RIMKLB: variants seen among roughly 807,000 people sequenced by gnomAD.
RIMKLB encodes ribosomal modification protein rimK like family member B.
A neutral mutation model predicts 32.0 loss-of-function variants in RIMKLB; 7 were observed. The ratio of observed to expected loss-of-function variants is 0.22; its 90% CI spans 0.12 to 0.41. The LOEUF is 0.41. RIMKLB is among the 10% of genes least tolerant of loss of function. The pLI is 1.00. For synonymous variants in RIMKLB, 172 were observed against 185.1 expected, an observed-to-expected ratio of 0.93 and a Z score of 0.57; for missense variants, 289 against 498.7, an observed-to-expected ratio of 0.58 and a Z score of 4.00.
In RIMKLB at chr12:8,698,577, G is replaced by A. The variant is rs968209638; in HGVS notation, c.-57+280G>A. Among the ~76,000 whole-genome samples the A allele has an allele frequency of 1.8e-3, 279 of 152,286 alleles. 1 individual carries two copies. Among genetic ancestry groups the A allele is most frequent in the African/African-American group, 6.4e-3 (266 of 41,578 alleles). ...CGACCGGGCGAGCCGTGTCGAGGGGGCGGCGACTTCGGGCGTGTAAGGAGT... is the reference window on the plus strand; with the variant it reads ...CGACCGGGCGAGCCGTGTCGAGGGGACGGCGACTTCGGGCGTGTAAGGAGT... On this transcript the variant is annotated intron_variant, in intron 1 of 5. Coordinates refer to ENST00000535829, the MANE Select transcript of RIMKLB (RefSeq NM_001297776.2).
At chr12:8,720,390 T>C (rs954910974) in intron 2 of RIMKLB, among the ~76,000 whole-genome samples, 4 of 152,198 alleles carry the variant, frequency 2.6e-5, no homozygotes, top group African/African-American at 9.7e-5. Flanking sequence ...TTTGAGAAAC[T>C]TTTATGTGCC....
chr12:8,712,436 A>T (rs374982293), intron 1 of RIMKLB, among the ~76,000 whole-genome samples: 1 of 152,212 alleles, frequency 6.6e-6, no homozygotes, highest in Non-Finnish European at 1.5e-5. Flanking sequence ...AAATAAAAAT[A>T]AAAAGTTATT....
upstream of RIMKLB, among the ~76,000 whole-genome samples, chr12:8,678,214 C>G (rs765796794): frequency 1.8e-3 from 267 of 151,980 alleles, no homozygotes; most frequent in African/African-American, 6.3e-3. Context: ...CAGGGTCCCA[C>G]TATGTTACCC....
In RIMKLB at chr12:8,774,973, A is replaced by G. The variant is rs997204178; in HGVS notation, c.*1189A>G. 2.3e-5 allele frequency: 23 copies of G among 985,626 alleles called. No homozygotes were observed. The highest frequency in any genetic ancestry group is 1.0e-3 in the Middle Eastern group (2 of 1,936). The allele number at this position is 985,626 out of a possible 1,614,324, so 61.1% of individuals were successfully genotyped here. Reference sequence around the variant, plus strand: ...TTTAGAAAATGGAGCATGATGGGAAACAGAGTTTTTGACTTTAAAAAACAG... The same window carrying G: ...TTTAGAAAATGGAGCATGATGGGAAGCAGAGTTTTTGACTTTAAAAAACAG... On this transcript the variant is annotated 3_prime_UTR_variant, in exon 6 of 6. Transcript: ENST00000535829.
At chr12:8,694,474 C>T (rs2136595582), upstream of RIMKLB, among the ~76,000 whole-genome samples, 1 of 137,190 alleles carries the variant, frequency 7.3e-6, no homozygotes, top group African/African-American at 2.7e-5. Flanking sequence ...TGGCTTGCTG[C>T]AACCTCCACC....
chr12:8,772,263 CAAAG>C (rs1031170433), intron 5 of RIMKLB, among the ~76,000 whole-genome samples: 17 of 152,202 alleles, frequency 1.1e-4, no homozygotes, highest in African/African-American at 4.1e-4. Context: ...AGTCAACTCT[CAAAG>C]CGACTGTACT....
At position 8,709,292 on chromosome 12, in the gene RIMKLB, A is replaced by G. The variant is rs189905491; in HGVS notation, c.-56-4519A>G. 3.6e-3 allele frequency among the ~76,000 whole-genome samples: 541 copies of G among 152,328 alleles called. 2 individuals are homozygous for G. The highest frequency in any genetic ancestry group is 5.5e-3 in the Non-Finnish European group (374 of 68,022). ...TATTGGTGCACTTTTGAGCTCCTGT[A>G]CTATTTAGATTTACTGGAATCCTTT... is the stretch of plus-strand genomic sequence containing the variant. On this transcript the variant is annotated intron_variant, in intron 1 of 5. Coordinates refer to ENST00000535829, the MANE Select transcript of RIMKLB (RefSeq NM_001297776.2).
chr12:8,727,749 A>G (rs1172807382), intron 2 of RIMKLB, among the ~76,000 whole-genome samples: 1 of 152,082 alleles, frequency 6.6e-6, no homozygotes, highest in East Asian at 1.9e-4. Context: ...AAATATAAAA[A>G]TTAGCCAGGC....
At chr12:8,765,304 A>G (rs1591980428) in intron 5 of RIMKLB, among the ~76,000 whole-genome samples, 2 of 152,094 alleles carry the variant, frequency 1.3e-5, no homozygotes, top group East Asian at 3.9e-4. Context: ...TGTGGCACCA[A>G]TCTCCATGTT....
intron 2 of RIMKLB, among the ~76,000 whole-genome samples, chr12:8,730,342 C>T (rs939274106): frequency 6.6e-6 from 1 of 152,228 alleles, no homozygotes; most frequent in African/African-American, 2.4e-5. Flanking sequence ...CCTGCCTCAG[C>T]CTCCCAAAGT....
chr12:8,671,312 A>T, the RIMKLB span, among the ~76,000 whole-genome samples: 6 of 151,548 alleles, frequency 4.0e-5, no homozygotes, highest in African/African-American at 9.7e-5. Context: ...GTGCAATGAC[A>T]CGATCTCAGC....
At chr12:8,674,770 G>A in the RIMKLB span, among the ~76,000 whole-genome samples, 344 of 151,846 alleles carry the variant, frequency 2.3e-3, no homozygotes, top group African/African-American at 8.0e-3. Context: ...GGCTGGTCTC[G>A]AACTCCTCAC....
At chr12:8,739,826 T>C (rs185870726) in intron 2 of RIMKLB, among the ~76,000 whole-genome samples, 2 of 152,306 alleles carry the variant, frequency 1.3e-5, no homozygotes, top group East Asian at 3.9e-4. Context: ...TCTACCTCCT[T>C]GTGTCATCAC....
intron 4 of RIMKLB, among the ~76,000 whole-genome samples, chr12:8,752,694 G>A (rs1357474036): frequency 6.6e-6 from 1 of 152,036 alleles, no homozygotes; most frequent in African/African-American, 2.4e-5. Context: ...TAATGACTTT[G>A]AATTAAGGTA....
chr12:8,783,043 G>A (rs142689272), exon 8 of RIMKLB: 1 of 152,320 alleles, frequency 6.6e-6, no homozygotes, highest in Non-Finnish European at 1.5e-5. Flanking sequence ...ACTCCAACCT[G>A]TTTGATTCCG....
chr12:8,773,293 T>C (rs773950242), intron 5 of RIMKLB, 28 bp from the exon 6 acceptor site: 2 of 1,482,030 alleles, frequency 1.3e-6, no homozygotes, highest in Non-Finnish European at 1.9e-6. Flanking sequence ...ATGATTTTGT[T>C]AATTTCCTGT....
At chr12:8,728,366 T>A (rs2137233702) in intron 2 of RIMKLB, among the ~76,000 whole-genome samples, 1 of 152,262 alleles carries the variant, frequency 6.6e-6, no homozygotes, top group South Asian at 2.1e-4. Flanking sequence ...GGTATAGTGG[T>A]AAGGTGTGTG....
chr12:8,760,973 T>C (rs1949472728), intron 5 of RIMKLB, among the ~76,000 whole-genome samples: 1 of 152,174 alleles, frequency 6.6e-6, no homozygotes, highest in African/African-American at 2.4e-5. Flanking sequence ...CACAGCTCAG[T>C]TTTATTTAGC....
At chr12:8,692,950 C>A (rs957882210), upstream of RIMKLB, among the ~76,000 whole-genome samples, 1 of 152,212 alleles carries the variant, frequency 6.6e-6, no homozygotes, top group East Asian at 1.9e-4. Context: ...GCAGTTATAA[C>A]GTTAGATAAT....
Sources: gnomAD v4.1 joint callset for allele counts (sites outside exome capture counted in the v4.1 genomes callset) on GRCh38, gnomAD v4.1.1 for gene constraint, MANE v1.5 for transcripts, NCBI Gene and HGNC (gene_info 2026-07-23, HGNC 2026-07-21) for gene names.